The following GLT1D1 variants were observed in gnomAD, a reference collection of about 807,000 sequenced individuals.
GLT1D1 encodes glycosyltransferase 1 domain-containing protein 1.
Under a neutral mutation model 28.7 loss-of-function variants are expected in GLT1D1, and 21 were observed. The observed-to-expected ratio is 0.73, with a 90% CI of 0.52 to 1.05. GLT1D1 has a LOEUF of 1.05. GLT1D1 is among the 50% of genes least tolerant of loss of function. GLT1D1 has a pLI of 0.00. For missense variants in GLT1D1, 343 were observed against 330.6 expected (o/e 1.04, Z -0.29); for synonymous variants, 147 against 124.8 (o/e 1.18, Z -1.19).
At chr12:128,937,281 G>C (rs529219438) in intron 4 of GLT1D1, among the ~76,000 whole-genome samples, 2 of 152,302 alleles carry the variant, frequency 1.3e-5, no homozygotes, top group African/African-American at 2.4e-5. Context: ...CGAGCAAAAG[G>C]CATCAGAAAT....
chr12:128,876,814 G>A (rs1382624310), intron 2 of GLT1D1, among the ~76,000 whole-genome samples: 1 of 152,170 alleles, frequency 6.6e-6, no homozygotes, highest in East Asian at 1.9e-4. Context: ...AATTCACGAG[G>A]TTAGTTGCAG....
chr12:128,932,314 C>A (rs1031256280), intron 4 of GLT1D1, among the ~76,000 whole-genome samples: 9 of 152,144 alleles, frequency 5.9e-5, no homozygotes, highest in Admixed American at 5.2e-4. Context: ...CCAACTGGAT[C>A]GCCGTCCCTG....
chr12:128,933,158 C>T (rs1874113594), intron 4 of GLT1D1, among the ~76,000 whole-genome samples: 1 of 152,186 alleles, frequency 6.6e-6, no homozygotes, highest in Admixed American at 6.5e-5. Flanking sequence ...TGGGGAAGCC[C>T]TGTTTCCTAA....
chr12:128,934,140 C>T (rs778961785), intron 4 of GLT1D1, among the ~76,000 whole-genome samples: 1 of 150,906 alleles, frequency 6.6e-6, no homozygotes, highest in Non-Finnish European at 1.5e-5. Context: ...TTCTAGGTCA[C>T]GTTCAGTGCC....
intron 2 of GLT1D1, among the ~76,000 whole-genome samples, chr12:128,881,334 T>G (rs1353010303): frequency 2.0e-5 from 3 of 148,812 alleles, no homozygotes. Context: ...ATTTCGAGAT[T>G]AGCCTGGCCC....
At chr12:128,868,996 A>G (rs964954205) in intron 1 of GLT1D1, among the ~76,000 whole-genome samples, 5 of 152,066 alleles carry the variant, frequency 3.3e-5, no homozygotes, top group Non-Finnish European at 7.4e-5. Flanking sequence ...CAGCCTCCCG[A>G]GTAGCTGGGA....
At chr12:128,955,518 ATT>A (rs33990173) in intron 6 of GLT1D1, among the ~76,000 whole-genome samples, 36,368 of 148,800 alleles carry the variant, frequency 0.24, 5,354 homozygotes, top group Non-Finnish European at 0.34. Flanking sequence ...TCGGTGTTGT[ATT>A]TTTTTTTTTT....
intron 2 of GLT1D1, among the ~76,000 whole-genome samples, chr12:128,883,589 C>CAAAA (rs202021879): frequency 3.8e-5 from 3 of 77,988 alleles, no homozygotes; most frequent in African/African-American, 4.3e-5. Context: ...GACTCCATCT[C>CAAAA]AAAAAAAAAA....
At chr12:128,905,450 G>T (rs935284158) in intron 4 of GLT1D1, among the ~76,000 whole-genome samples, 25 of 152,208 alleles carry the variant, frequency 1.6e-4, no homozygotes, top group African/African-American at 3.9e-4. Context: ...CCCAGTGAGG[G>T]TTAGTTTGTA....
At chr12:128,864,551 G>A (rs1303831582) in intron 1 of GLT1D1, among the ~76,000 whole-genome samples, 1 of 152,164 alleles carries the variant, frequency 6.6e-6, no homozygotes, top group Non-Finnish European at 1.5e-5. Flanking sequence ...CCCAGGAGTG[G>A]GCAGCCATGG....
chr12:128,919,069 T>A (rs1457361289), intron 4 of GLT1D1, among the ~76,000 whole-genome samples: 1 of 152,178 alleles, frequency 6.6e-6, no homozygotes, highest in Non-Finnish European at 1.5e-5. Flanking sequence ...AGATGTAGGA[T>A]TAATCTGCGT....
intron 7 of GLT1D1, among the ~76,000 whole-genome samples, chr12:128,975,038 C>CT (rs142482575): frequency 0.19 from 29,068 of 152,184 alleles, 3,082 homozygotes; most frequent in Non-Finnish European, 0.25. Context: ...AGTGCCCCCC[C>CT]GCACCTGCAC....
chr12:128,969,117 CTCTGTT>C (rs1467500887), intron 7 of GLT1D1, among the ~76,000 whole-genome samples: 4 of 125,256 alleles, frequency 3.2e-5, no homozygotes, highest in African/African-American at 1.3e-4. Context: ...CTCTCTCTGT[CTCTGTT>C]TCTGTAGCCT....
At chr12:128,958,748 C>CAAAAA (rs71072431) in intron 7 of GLT1D1, among the ~76,000 whole-genome samples, 4 of 42,654 alleles carry the variant, frequency 9.4e-5, no homozygotes, top group African/African-American at 4.4e-4. Context: ...GACTCTGCCT[C>CAAAAA]AAAAAAAAAA....
intron 4 of GLT1D1, among the ~76,000 whole-genome samples, chr12:128,923,735 T>C (rs1295302047): frequency 6.6e-6 from 1 of 152,000 alleles, no homozygotes; most frequent in Admixed American, 6.6e-5. Context: ...TTGGTCAGGC[T>C]GGTCTCGAAC....
chr12:128,861,112 C>A (rs1956355991), intron 1 of GLT1D1, among the ~76,000 whole-genome samples: 1 of 152,138 alleles, frequency 6.6e-6, no homozygotes, highest in African/African-American at 2.4e-5. Context: ...GAGGCTAGTC[C>A]TTGGAAACAC....
chr12:128,860,706 T>C (rs1956338574), intron 1 of GLT1D1, among the ~76,000 whole-genome samples: 1 of 151,252 alleles, frequency 6.6e-6, no homozygotes, highest in East Asian at 1.9e-4. Context: ...ACACAGAGAG[T>C]TCTGCAGCCC....
chr12:128,908,364 T>C (rs929704694), intron 4 of GLT1D1, among the ~76,000 whole-genome samples: 4 of 103,076 alleles, frequency 3.9e-5, no homozygotes, highest in Non-Finnish European at 8.8e-5. Context: ...TTCTTTCTTT[T>C]CTTTCTTTCT....
chr12:128,870,189 G>A (rs1478910778), intron 1 of GLT1D1, among the ~76,000 whole-genome samples: 1 of 152,058 alleles, frequency 6.6e-6, no homozygotes, highest in Non-Finnish European at 1.5e-5. Context: ...GGTCACTCCA[G>A]CCTGGGCGAC....
Sources: gnomAD v4.1 joint callset for allele counts (sites outside exome capture counted in the v4.1 genomes callset) on GRCh38, gnomAD v4.1.1 for gene constraint, MANE v1.5 for transcripts, NCBI Gene and HGNC (gene_info 2026-07-23, HGNC 2026-07-21) for gene names.